Variants in LRP1B observed in about 807,000 individuals in gnomAD.
LRP1B encodes LDL receptor related protein 1B.
A neutral mutation model predicts 556.6 loss-of-function variants in LRP1B; 217 were observed. The observed-to-expected ratio is 0.39, with a 90% confidence interval of 0.35 to 0.44. The LOEUF (loss-of-function observed/expected upper bound fraction) is 0.44, where lower values mean the gene tolerates loss of function less well. Among genes scored for constraint, LRP1B ranks in the 20% least tolerant of loss-of-function variants. The probability of loss-of-function intolerance (pLI) is 1.00; values close to 1 mark genes in which losing one functional copy is unlikely to be tolerated. For missense variants in LRP1B, 5,053 were observed against 5,620.8 expected (o/e 0.90, Z 3.23); for synonymous variants, 2,047 against 1,865.8 (o/e 1.10, Z -2.50).
At chr2:140,234,740 G>C in intron 90 of LRP1B, 46 bp downstream of exon 90, 1 of 761,032 alleles carries the variant, frequency 1.3e-6, no homozygotes, top group Non-Finnish European at 2.4e-6. Flanking sequence ...GATTGTGAGG[G>C]TTCTGTGATG....
chr2:140,825,325 G>C (rs972162960), intron 31 of LRP1B, among the ~76,000 whole-genome samples: 2 of 152,096 alleles, frequency 1.3e-5, no homozygotes, highest in African/African-American at 4.8e-5. Context: ...GGGAAGTTTC[G>C]GTCACACTGC....
chr2:141,136,430 A>T (rs1701493743), intron 7 of LRP1B, among the ~76,000 whole-genome samples: 1 of 151,882 alleles, frequency 6.6e-6, no homozygotes, highest in African/African-American at 2.4e-5. Flanking sequence ...AAATTAATCT[A>T]TACAAACAAA....
intron 32 of LRP1B, among the ~76,000 whole-genome samples, chr2:140,813,242 A>G (rs1690990536): frequency 6.6e-6 from 1 of 152,172 alleles, no homozygotes; most frequent in Non-Finnish European, 1.5e-5. Flanking sequence ...TCATTGGTCA[A>G]ATGGACCCTG....
rs1308357390 is a variant in LRP1B at position 140,579,564 on chromosome 2, C to T, written c.7194+19067G>A. On this transcript the variant is annotated intron_variant, in intron 43 of 90. Transcript: ENST00000389484. ...TACATTTTAAAAGGCTAGGGTAGGC[C>T]GGTGCGGTGGCTCAGGCCTGTAATC... Among the ~76,000 whole-genome samples the T allele has an allele frequency of 5.3e-5, 8 of 152,176 alleles. 1 individual carries two copies. In the South Asian group the frequency reaches 1.2e-3, roughly 24 times the overall value.
rs533858613 is a variant in LRP1B at position 141,430,249 on chromosome 2, A to C, written c.343+50147T>G. ...TACTACCCTAGAGCTTGTTAAGCAA[A>C]GCATCTTAATGAATAACCTCACTCT... On this transcript the variant is annotated intron_variant, in intron 3 of 90. Transcript: ENST00000389484. Among the ~76,000 whole-genome samples, 3 of 152,316 alleles carry C rather than the reference A, an allele frequency of 2.0e-5. No individual in the cohort carries two copies. In the South Asian group the frequency reaches 6.2e-4, roughly 32 times the overall value.
At chr2:140,939,921 T>G (rs1695347318) in intron 20 of LRP1B, among the ~76,000 whole-genome samples, 1 of 147,264 alleles carries the variant, frequency 6.8e-6, no homozygotes. Flanking sequence ...TGTCTCAATC[T>G]GTCACCCAGG....
chr2:142,107,250 A>T (rs1706778015), intron 1 of LRP1B, among the ~76,000 whole-genome samples: 3 of 152,234 alleles, frequency 2.0e-5, no homozygotes, highest in Admixed American at 2.0e-4. Context: ...TTAGAAACTT[A>T]ATTCCCAATG....
chr2:142,115,494 T>C (rs1455742936), intron 1 of LRP1B, among the ~76,000 whole-genome samples: 3 of 90,868 alleles, frequency 3.3e-5, no homozygotes, highest in Non-Finnish European at 4.2e-5. Context: ...TATATAATTA[T>C]ATATAATATA....
chr2:140,672,197 G>C (rs1006352286), intron 41 of LRP1B, among the ~76,000 whole-genome samples: 1 of 151,992 alleles, frequency 6.6e-6, no homozygotes, highest in Non-Finnish European at 1.5e-5. Flanking sequence ...AGGATAAAAT[G>C]AGTCACCAGG....
At position 140,388,217 on chromosome 2, in the gene LRP1B, G is replaced by A. The variant is rs377005533; in HGVS notation, c.10415-2208C>T. On this transcript the variant is annotated intron_variant, in intron 66 of 90. Coordinates refer to ENST00000389484, the MANE Select transcript of LRP1B (RefSeq NM_018557.3). The stretch of plus-strand genomic sequence containing the variant: ...CTCCCAACGTGTTGGGATTACAGGC[G>A]TGAGCCACCATGCCTGGCCTGCTTG... 8.3e-4 allele frequency among the ~76,000 whole-genome samples: 126 copies of A among 152,212 alleles called. 1 individual carries two copies. In the South Asian group the frequency reaches 0.021, roughly 25 times the overall value.
At chr2:142,105,152 A>T (rs1297150018) in intron 1 of LRP1B, among the ~76,000 whole-genome samples, 1 of 152,142 alleles carries the variant, frequency 6.6e-6, no homozygotes, top group East Asian at 1.9e-4. Flanking sequence ...AATGGAGGTG[A>T]AACCAAAAAG....
chr2:141,410,946 C>T (rs2104942684), intron 3 of LRP1B, among the ~76,000 whole-genome samples: 1 of 151,890 alleles, frequency 6.6e-6, no homozygotes, highest in Non-Finnish European at 1.5e-5. Flanking sequence ...TAAAAATGCA[C>T]TTTATTTTTT....
intron 82 of LRP1B, 123 bp from the exon 83 acceptor site, chr2:140,315,222 G>A: frequency 1.6e-6 from 1 of 612,240 alleles, no homozygotes; most frequent in East Asian, 3.1e-5. Flanking sequence ...TTAACCCCAA[G>A]TACAAAAGAA....
chr2:141,633,719 C>T (rs1688995751), intron 2 of LRP1B, among the ~76,000 whole-genome samples: 2 of 152,084 alleles, frequency 1.3e-5, no homozygotes, highest in South Asian at 4.1e-4. Context: ...CAGAACTTTT[C>T]ATGATCACAA....
intron 2 of LRP1B, among the ~76,000 whole-genome samples, chr2:141,554,100 T>C (rs1237020030): frequency 2.1e-5 from 3 of 143,334 alleles, no homozygotes; most frequent in Non-Finnish European, 4.5e-5. Flanking sequence ...ATTATATATA[T>C]CTATATTAAT....
At position 141,007,736 on chromosome 2, in the gene LRP1B, A is replaced by G. The variant is rs1235483073; in HGVS notation, c.2381-2279T>C. Among the ~76,000 whole-genome samples the G allele has an allele frequency of 2.0e-5, 3 of 151,922 alleles. No homozygotes were observed. The East Asian group carries it at 5.8e-4, about 29-fold the overall frequency. On this transcript the variant is annotated intron_variant, in intron 14 of 90. Transcript: ENST00000389484. The stretch of plus-strand genomic sequence containing the variant: ...AGAATTTAAACAGTCAGAAATAAGG[A>G]ATTACTGACATTTTGAAACGTTGAA...
intron 41 of LRP1B, among the ~76,000 whole-genome samples, chr2:140,653,425 C>T (rs533421441): frequency 1.3e-5 from 2 of 151,322 alleles, no homozygotes; most frequent in Non-Finnish European, 2.9e-5. Flanking sequence ...TTGTTGAATC[C>T]GTGGAGACTA....
At chr2:141,492,383 A>AC (rs1193763624) in intron 2 of LRP1B, among the ~76,000 whole-genome samples, 38 of 152,216 alleles carry the variant, frequency 2.5e-4, no homozygotes, top group African/African-American at 7.2e-4. Flanking sequence ...ACAAAACAAA[A>AC]AATATCTTTC....
chr2:140,787,582 T>C (rs1689951875), intron 32 of LRP1B, among the ~76,000 whole-genome samples: 1 of 139,468 alleles, frequency 7.2e-6, no homozygotes, highest in African/African-American at 2.7e-5. Context: ...TTTTTTTTTT[T>C]TTTTTTGAGA....
Sources: gnomAD v4.1 joint callset for allele counts (sites outside exome capture counted in the v4.1 genomes callset) on GRCh38, gnomAD v4.1.1 for gene constraint, MANE v1.5 for transcripts, NCBI Gene and HGNC (gene_info 2026-07-23, HGNC 2026-07-21) for gene names.